ABAT: variants seen among roughly 807,000 people sequenced by gnomAD.
ABAT encodes 4-aminobutyrate aminotransferase, mitochondrial.
ABAT carries 45 observed loss-of-function variants against 64.6 expected under a neutral mutation model. That is an observed-to-expected ratio of 0.70 (90% CI 0.55 to 0.89). ABAT has a LOEUF of 0.89. Ranked by LOEUF, ABAT falls within the 40% of genes least tolerant of loss-of-function variation. The pLI is 0.00. For synonymous variants in ABAT, 297 were observed against 250.5 expected (o/e 1.19, Z -1.75); for missense variants, 633 against 658.4 (o/e 0.96, Z 0.42).
chr16:8,708,857 A>T (rs1373489602), intron 1 of ABAT, among the ~76,000 whole-genome samples: 1 of 152,168 alleles, frequency 6.6e-6, no homozygotes, highest in African/African-American at 2.4e-5. Context: ...CCTACTCCAC[A>T]GACTCATGAG....
intron 1 of ABAT, chr16:8,712,979 A>C: frequency 7.2e-6 from 1 of 139,406 alleles, no homozygotes; most frequent in Admixed American, 7.5e-5. Flanking sequence ...TCTTGTGATC[A>C]CCCTCATTAC....
At chr16:8,750,285 T>C (rs2059441182) in intron 4 of ABAT, 137 bp from the exon 5 acceptor site, 2 of 787,144 alleles carry the variant, frequency 2.5e-6, no homozygotes, top group Admixed American at 1.9e-5. Context: ...AGAAATACAT[T>C]GCTGGCACCC....
At chr16:8,762,035 G>C (rs1156715287) in intron 6 of ABAT, among the ~76,000 whole-genome samples, 1 of 148,050 alleles carries the variant, frequency 6.8e-6, no homozygotes, top group Non-Finnish European at 1.5e-5. Context: ...TTCTCTCTCT[G>C]TCACCCAGGC....
At chr16:8,722,220 C>T (rs1216765429) in intron 1 of ABAT, among the ~76,000 whole-genome samples, 2 of 152,226 alleles carry the variant, frequency 1.3e-5, no homozygotes, top group African/African-American at 2.4e-5. Context: ...AATTGAATAA[C>T]TTGCTTTGAT....
intron 2 of ABAT, among the ~76,000 whole-genome samples, chr16:8,745,458 A>G (rs2059301375): frequency 6.6e-6 from 1 of 152,138 alleles, no homozygotes; most frequent in South Asian, 2.1e-4. Flanking sequence ...GCACTTTGGG[A>G]GGTCAAGGCA....
chr16:8,750,697 G>C (rs75772825), intron 5 of ABAT, among the ~76,000 whole-genome samples, 158 bp downstream of exon 5: 1 of 151,896 alleles, frequency 6.6e-6, no homozygotes, highest in East Asian at 1.9e-4. Flanking sequence ...ATGTGTAAAG[G>C]GTATATTATT....
At chr16:8,765,071 C>G (rs1428536700) in intron 8 of ABAT, among the ~76,000 whole-genome samples, 1 of 152,142 alleles carries the variant, frequency 6.6e-6, no homozygotes, top group Non-Finnish European at 1.5e-5. Context: ...GTCGTTCACA[C>G]CTGTAATCCC....
intron 1 of ABAT, among the ~76,000 whole-genome samples, chr16:8,723,705 A>G (rs762091464): frequency 9.3e-5 from 14 of 151,212 alleles, no homozygotes; most frequent in Non-Finnish European, 1.3e-4. Context: ...AGGCATCACT[A>G]TCTCCAATCT....
intron 5 of ABAT, among the ~76,000 whole-genome samples, chr16:8,756,147 G>C (rs2059643733): frequency 6.6e-6 from 1 of 152,132 alleles, no homozygotes; most frequent in Admixed American, 6.6e-5. Flanking sequence ...TTGAACCTGG[G>C]AGGCAGAGGT....
At chr16:8,742,180 T>C (rs963560917) in intron 2 of ABAT, among the ~76,000 whole-genome samples, 119 of 152,308 alleles carry the variant, frequency 7.8e-4, no homozygotes, top group African/African-American at 2.8e-3. Flanking sequence ...TCCCAGCTCC[T>C]GTTTCCCCAT....
chr16:8,768,283 G>A (rs747587543), intron 10 of ABAT, 27 bp downstream of exon 10: 14 of 1,611,818 alleles, frequency 8.7e-6, no homozygotes, highest in Non-Finnish European at 1.1e-5. Context: ...GCGCTCCCAA[G>A]GTGGCGTTTA....
intron 1 of ABAT, among the ~76,000 whole-genome samples, chr16:8,677,995 A>C (rs1028486786): frequency 2.0e-5 from 3 of 151,948 alleles, no homozygotes; most frequent in Non-Finnish European, 2.9e-5. Context: ...GGGAGGTCGA[A>C]GCTGCAGTGA....
chr16:8,725,679 ATTTG>A (rs1359372727), intron 1 of ABAT, among the ~76,000 whole-genome samples: 5 of 152,034 alleles, frequency 3.3e-5, no homozygotes. Flanking sequence ...TGCTATGTGT[ATTTG>A]TTTGAGTCTC....
intron 1 of ABAT, among the ~76,000 whole-genome samples, chr16:8,718,750 C>A (rs890149409): frequency 6.6e-6 from 1 of 152,142 alleles, no homozygotes; most frequent in Non-Finnish European, 1.5e-5. Context: ...GTAGATAAGA[C>A]GGTGTATGTG....
chr16:8,763,984 A>C (rs1052952343), intron 6 of ABAT, 85 bp from the exon 7 acceptor site: 3 of 1,152,592 alleles, frequency 2.6e-6, no homozygotes, highest in Non-Finnish European at 3.9e-6. Flanking sequence ...CTATTTGAAC[A>C]CAGGGGCTAT....
chr16:8,742,586 C>T (rs142356415), intron 2 of ABAT, among the ~76,000 whole-genome samples: 8 of 152,058 alleles, frequency 5.3e-5, no homozygotes, highest in Non-Finnish European at 8.8e-5. Flanking sequence ...AAACTAGGGC[C>T]GGGTACGGTG....
chr16:8,779,860 C>T (rs1262949278), intron 15 of ABAT, among the ~76,000 whole-genome samples: 1 of 152,174 alleles, frequency 6.6e-6, no homozygotes, highest in African/African-American at 2.4e-5. Flanking sequence ...CCATCAGAGC[C>T]CCTTCCTTCA....
chr16:8,698,506 G>C (rs1173604472), intron 1 of ABAT, among the ~76,000 whole-genome samples: 1 of 152,050 alleles, frequency 6.6e-6, no homozygotes, highest in Non-Finnish European at 1.5e-5. Flanking sequence ...GCTAATTCTT[G>C]TATGTTTAGT....
rs184139570 is a variant in ABAT, at chr16:8,697,614, T to G, written c.-42+22903T>G. ...CCTTTCCTCCTGTGCAAGTTAAAGG[T>G]TTTTTGTTGTTTGTTTTTTGTTTTT... On this transcript the variant is annotated intron_variant, in intron 1 of 15. Transcript: ENST00000268251. Among the ~76,000 whole-genome samples, 46 of 148,800 alleles carry G rather than the reference T, an allele frequency of 3.1e-4. No individual in the cohort carries two copies. In the East Asian group the frequency reaches 3.3e-3, roughly 11 times the overall value.
Sources: allele counts gnomAD v4.1 joint callset (sites outside exome capture counted in the v4.1 genomes callset), GRCh38; gene constraint gnomAD v4.1.1; transcripts MANE v1.5; gene names NCBI Gene and HGNC (gene_info 2026-07-23, HGNC 2026-07-21).